POLR1C: variants seen among roughly 807,000 people sequenced by gnomAD.
The protein encoded by POLR1C is DNA-directed RNA polymerases I and III subunit RPAC1.
A neutral mutation model predicts 38.3 loss-of-function variants in POLR1C; 42 were observed. The observed-to-expected ratio is 1.10, with a 90% confidence interval of 0.86 to 1.42. The LOEUF is 1.42. Among genes scored for constraint, POLR1C ranks in the 40% most tolerant of loss-of-function variants. The probability of loss-of-function intolerance (pLI) is 0.00; values close to 1 mark genes in which losing one functional copy is unlikely to be tolerated. For missense variants in POLR1C, 507 were observed against 450.5 expected, an observed-to-expected ratio of 1.13 and a Z score of -1.14; for synonymous variants, 163 against 163.9, an observed-to-expected ratio of 0.99 and a Z score of 0.04.
intron 9 of POLR1C, among the ~76,000 whole-genome samples, chr6:43,540,515 T>A (rs1413449674): frequency 6.6e-6 from 1 of 151,768 alleles, no homozygotes; most frequent in African/African-American, 2.4e-5. Flanking sequence ...TAGCCAGGCA[T>A]GGTGGCACAC....
At chr6:43,540,739 A>G (rs1794649399) in intron 9 of POLR1C, among the ~76,000 whole-genome samples, 1 of 152,190 alleles carries the variant, frequency 6.6e-6, no homozygotes, top group Admixed American at 6.5e-5. Context: ...TGGCCTCCCA[A>G]AGTGCTGAGA....
intron 10 of POLR1C, chr6:43,553,599 T>TA: frequency 6.8e-7 from 1 of 1,467,012 alleles, no homozygotes; most frequent in African/African-American, 1.4e-5. Context: ...AATGGAGCCT[T>TA]AGAGAACACC....
chr6:43,520,617 C>G lies in POLR1C; in HGVS notation c.656-8C>G. 1.2e-6 allele frequency: 2 copies of G among 1,614,170 alleles called. No individual in the cohort carries two copies. Among genetic ancestry groups the G allele is most frequent in the Non-Finnish European group, 8.5e-7 (1 of 1,180,012 alleles). ...TTTCCTATAGGCACGTTCCCTCTTCCTCTCCAGGCAAAGATCATGCCAAGT... is the reference window on the plus strand; with the variant it reads ...TTTCCTATAGGCACGTTCCCTCTTCGTCTCCAGGCAAAGATCATGCCAAGT... On this transcript the variant is annotated splice_region_variant and splice_polypyrimidine_tract_variant and intron_variant, in intron 6 of 8. Transcript: ENST00000642195.
At chr6:43,523,972 G>T, downstream of POLR1C, 1 of 1,613,824 alleles carries the variant, frequency 6.2e-7, no homozygotes, top group South Asian at 1.1e-5. Flanking sequence ...TTCTTAATGT[G>T]AACTTCTTTT....
At position 43,521,033 on chromosome 6, in the gene POLR1C, C is replaced by T. The variant is rs563473186; in HGVS notation, c.907C>T (p.Arg303Ter). The T allele has an allele frequency of 8.1e-6, 13 of 1,613,604 alleles. No homozygotes were observed. Among genetic ancestry groups the T allele is most frequent in the African/African-American group, 2.7e-5 (2 of 74,902 alleles). Residue 303 changes from arginine to a stop codon, truncating the protein, a stop_gained, in exon 8 of 9, where the codon CGA becomes TGA. Transcript: ENST00000642195. LOFTEE classifies it high-confidence loss of function. ...LKKVVRLARV[R>*]DHYIFSVEST... ...GAAGGTTGTGAGGCTTGCCCGGGTT[C>T]GAGATCATTATATCTGTGAGTATGA...
chr6:43,537,040 C>CA (rs1554133609), intron 9 of POLR1C, among the ~76,000 whole-genome samples: 1 of 152,102 alleles, frequency 6.6e-6, no homozygotes, highest in Non-Finnish European at 1.5e-5. Context: ...GTTCATAGCT[C>CA]ACTGCAGCCT....
chr6:43,542,614 C>T (rs760587942), intron 9 of POLR1C, among the ~76,000 whole-genome samples: 11 of 151,734 alleles, frequency 7.2e-5, no homozygotes, highest in Non-Finnish European at 1.2e-4. Flanking sequence ...TGAGTAGAGA[C>T]GGGGTTTCAC....
Position 43,520,644 on chromosome 6 carries a change from T to G in POLR1C, c.675T>G (p.Phe225Leu). Residue 225 changes from phenylalanine to leucine, a missense_variant, in exon 7 of 9, where the codon TTT becomes TTG. Phe to Leu is a conservative substitution (Grantham distance 22, BLOSUM62 0). Transcript: ENST00000642195. ...CTCCAGGCAAAGATCATGCCAAGTT[T>G]TCACCAGTGGCAACAGCCAGTTACA... ...VKGIGKDHAK[F>L]SPVATASYRL... The G allele has an allele frequency of 6.2e-7, 1 of 1,614,210 alleles. No individual in the cohort carries two copies. The highest frequency in any genetic ancestry group is 8.5e-7 in the Non-Finnish European group (1 of 1,180,036).
chr6:43,548,765 T>A (rs923574510), intron 9 of POLR1C, among the ~76,000 whole-genome samples: 2 of 151,192 alleles, frequency 1.3e-5, no homozygotes, highest in African/African-American at 4.8e-5. Flanking sequence ...TATATGGAGA[T>A]AACTGCTGTG....
At chr6:43,523,556 G>A (rs140688078), downstream of POLR1C, 4 of 535,520 alleles carry the variant, frequency 7.5e-6, no homozygotes, top group African/African-American at 7.6e-5. Context: ...CTGCACGGGG[G>A]TGGGAGGGCT....
chr6:43,557,301 G>A (rs1762146714), intron 10 of POLR1C, among the ~76,000 whole-genome samples: 1 of 150,744 alleles, frequency 6.6e-6, no homozygotes, highest in Non-Finnish European at 1.5e-5. Flanking sequence ...TGGCACGTGT[G>A]TGTAGTCCCA....
At chr6:43,555,295 C>G (rs1190591486) in intron 10 of POLR1C, 2 of 152,254 alleles carry the variant, frequency 1.3e-5, no homozygotes, top group Non-Finnish European at 2.9e-5. Context: ...AGATGAGAGA[C>G]AAAACATTTG....
At chr6:43,536,758 TAAAAAAA>T (rs1156884252) in intron 9 of POLR1C, among the ~76,000 whole-genome samples, 22 of 19,080 alleles carry the variant, frequency 1.2e-3, no homozygotes, top group African/African-American at 5.1e-3. Context: ...AGACTCTATC[TAAAAAAA>T]AAAAAAAAAA....
intron 9 of POLR1C, among the ~76,000 whole-genome samples, chr6:43,542,417 AT>A (rs569659307): frequency 2.7e-4 from 40 of 149,652 alleles, no homozygotes; most frequent in African/African-American, 9.5e-4. Flanking sequence ...TTATTTTTCA[AT>A]TTTTTTTTTG....
At chr6:43,517,899 C>T (rs75055581) in intron 2 of POLR1C, among the ~76,000 whole-genome samples, 1 of 152,184 alleles carries the variant, frequency 6.6e-6, no homozygotes, top group Non-Finnish European at 1.5e-5. Context: ...TGAATGTTAC[C>T]GTTTAGGCAA....
downstream of POLR1C, chr6:43,526,293 TAAGA>T (rs372866945): frequency 1.8e-4 from 64 of 358,454 alleles, no homozygotes; most frequent in East Asian, 2.3e-3. Flanking sequence ...GGGAGATAGG[TAAGA>T]AAGGAATACA....
intron 9 of POLR1C, chr6:43,549,561 T>C (rs769701064): frequency 6.2e-7 from 1 of 1,613,462 alleles, no homozygotes; most frequent in Non-Finnish European, 8.5e-7. Context: ...CATTCCTCAC[T>C]GCCCGGGTTC....
At chr6:43,562,098 T>C (rs1034357899) in exon 11 of POLR1C, 4 of 549,816 alleles carry the variant, frequency 7.3e-6, no homozygotes, top group Middle Eastern at 2.8e-4. Context: ...ATTAAGATAA[T>C]TTAATCTATA....
chr6:43,530,638 T>A, downstream of POLR1C: 1 of 1,598,646 alleles, frequency 6.3e-7, no homozygotes, highest in African/African-American at 1.3e-5. Context: ...TTTGTTTCTC[T>A]CTCTAATTTT....
Sources: allele counts gnomAD v4.1 joint callset (sites outside exome capture counted in the v4.1 genomes callset), GRCh38; gene constraint gnomAD v4.1.1; transcripts MANE v1.5; gene names NCBI Gene and HGNC (gene_info 2026-07-23, HGNC 2026-07-21).